Variants in CDC14A observed in about 807,000 individuals in gnomAD.
The protein encoded by CDC14A is cell division cycle 14A.
Under a neutral mutation model 74.4 loss-of-function variants are expected in CDC14A, and 53 were observed. The ratio of observed to expected loss-of-function variants is 0.71; its 90% CI spans 0.57 to 0.89. CDC14A has a LOEUF of 0.89. Among genes scored for constraint, CDC14A ranks in the 40% least tolerant of loss-of-function variants. The probability of loss-of-function intolerance (pLI) is 0.00; values close to 1 mark genes in which losing one functional copy is unlikely to be tolerated. For synonymous variants in CDC14A, 247 were observed against 258.4 expected (o/e 0.96, Z 0.43); for missense variants, 646 against 713.7 (o/e 0.91, Z 1.08).
At chr1:100,487,696 G>A (rs72986252) in intron 11 of CDC14A, among the ~76,000 whole-genome samples, 8,230 of 152,250 alleles carry the variant, frequency 0.054, 745 homozygotes, top group African/African-American at 0.19. Context: ...TGGTTTTACT[G>A]AATGTTCTTT....
intron 3 of CDC14A, 130 bp downstream of exon 3, chr1:100,377,751 C>T (rs1361982519): frequency 4.8e-6 from 3 of 625,318 alleles, no homozygotes; most frequent in Non-Finnish European, 8.4e-6. Context: ...GTGAGTAGTT[C>T]ACCTAGAGTT....
intron 4 of CDC14A, among the ~76,000 whole-genome samples, chr1:100,415,380 A>G (rs1478784593): frequency 6.6e-6 from 1 of 152,198 alleles, no homozygotes; most frequent in Non-Finnish European, 1.5e-5. Flanking sequence ...CAAACAAAAA[A>G]CATACTCATT....
intron 15 of CDC14A, among the ~76,000 whole-genome samples, chr1:100,501,015 C>T (rs1234583302): frequency 1.3e-5 from 2 of 151,976 alleles, no homozygotes; most frequent in Non-Finnish European, 2.9e-5. Context: ...CCATGCTTGG[C>T]CTTGGCATTA....
Position 100,460,123 on chromosome 1 carries a change from A to C in CDC14A, c.608-2528A>C, listed in dbSNP as rs17122563. ...CAGAAATTGAGTAATTGTAGGTTTT[A>C]ATGAGATAATCCACATAAAGCACTT... On this transcript the variant is annotated intron_variant, in intron 8 of 15. Coordinates refer to ENST00000336454, the MANE Select transcript of CDC14A (RefSeq NM_003672.4). Among the ~76,000 whole-genome samples, 1,514 of 152,282 alleles carry C rather than the reference A, an allele frequency of 9.9e-3. 45 individuals carry two copies. The East Asian group carries it at 0.11, about 11-fold the overall frequency.
intron 7 of CDC14A, among the ~76,000 whole-genome samples, chr1:100,443,653 T>C (rs1665208830): frequency 6.6e-6 from 1 of 152,092 alleles, no homozygotes; most frequent in South Asian, 2.1e-4. Flanking sequence ...ATATTTTTGG[T>C]TGTATAAATT....
At position 100,402,902 on chromosome 1, in the gene CDC14A, A is replaced by C. The variant is rs142575610; in HGVS notation, c.309+12078A>C. Among the ~76,000 whole-genome samples, 3 of 152,348 alleles carry C rather than the reference A, an allele frequency of 2.0e-5. No homozygotes were observed. The East Asian group carries it at 5.8e-4, about 29-fold the overall frequency. ...AGCAGTGTTGTAGTGTTTCAAATACACTAGTCATACAGTTTCTTTTCCAGG... is the reference window on the plus strand; with the variant it reads ...AGCAGTGTTGTAGTGTTTCAAATACCCTAGTCATACAGTTTCTTTTCCAGG... On this transcript the variant is annotated intron_variant, in intron 4 of 15. Transcript: ENST00000336454.
Position 100,496,031 on chromosome 1 carries a change from C to T in CDC14A, c.1280C>T (p.Ala427Val). Reference sequence around the variant, plus strand: ...GATGATACAAAAGGACATCCAAGAGCAGTGTCCCAGCCTTTCAGGTACTGC... The same window carrying T: ...GATGATACAAAAGGACATCCAAGAGTAGTGTCCCAGCCTTTCAGGTACTGC... ...RSDDTKGHPR[A>V]VSQPFRLSSS... Residue 427 changes from alanine to valine, a missense_variant, in exon 13 of 16, where the codon GCA becomes GTA. Coordinates refer to ENST00000336454, the MANE Select transcript of CDC14A (RefSeq NM_003672.4). 6.2e-7 allele frequency: 1 copy of T among 1,613,732 alleles called. No homozygotes were observed. Among genetic ancestry groups the T allele is most frequent in the Admixed American group, 1.7e-5 (1 of 60,022 alleles).
At chr1:100,413,192 G>A (rs543515453) in intron 4 of CDC14A, among the ~76,000 whole-genome samples, 33 of 152,176 alleles carry the variant, frequency 2.2e-4, no homozygotes, top group Non-Finnish European at 4.4e-4. Flanking sequence ...GCAAACACCT[G>A]ACTGATGGGC....
intron 10 of CDC14A, among the ~76,000 whole-genome samples, chr1:100,482,985 A>T (rs963316406): frequency 6.6e-6 from 1 of 152,034 alleles, no homozygotes; most frequent in South Asian, 2.1e-4. Context: ...TCTCTATCCA[A>T]TCTATCATTG....
intron 6 of CDC14A, 113 bp downstream of exon 6, chr1:100,440,111 T>C: frequency 1.3e-6 from 1 of 745,340 alleles, no homozygotes; most frequent in Non-Finnish European, 2.2e-6. Context: ...AGCCAGTAAG[T>C]AGAAGGCTTT....
At chr1:100,374,840 G>A (rs1557692278) in intron 2 of CDC14A, among the ~76,000 whole-genome samples, 1 of 152,132 alleles carries the variant, frequency 6.6e-6, no homozygotes, top group South Asian at 2.1e-4. Flanking sequence ...TTGTGGTCTA[G>A]ACTAAATTGA....
chr1:100,354,146 C>G (rs1472372435), intron 2 of CDC14A, among the ~76,000 whole-genome samples: 1 of 152,198 alleles, frequency 6.6e-6, no homozygotes, highest in Non-Finnish European at 1.5e-5. Flanking sequence ...GGGAGACACA[C>G]TGTCATTGCC....
At chr1:100,420,005 T>TATATATATACATATATATATAC (rs1662063046) in intron 4 of CDC14A, among the ~76,000 whole-genome samples, 22 of 110,980 alleles carry the variant, frequency 2.0e-4, no homozygotes, top group Admixed American at 1.2e-3. Context: ...TAAATATATA[T>TATATATATACATATATATATAC]ATATATACAT....
rs1322778276 is a variant in CDC14A, at chr1:100,356,593, C to T, written c.140+2741C>T. Among the ~76,000 whole-genome samples, 7 of 152,010 alleles carry T rather than the reference C, an allele frequency of 4.6e-5. No individual in the cohort carries two copies. The South Asian group carries it at 8.3e-4, about 18-fold the overall frequency. ...AGGGGGGACCAGGCATAGTGGCTCA[C>T]GCCTGTAATCACAGCACTTTGGGAG... On this transcript the variant is annotated intron_variant, in intron 2 of 15. Coordinates refer to ENST00000336454, the MANE Select transcript of CDC14A (RefSeq NM_003672.4).
intron 10 of CDC14A, among the ~76,000 whole-genome samples, chr1:100,468,389 T>A (rs1381956118): frequency 6.6e-6 from 1 of 152,120 alleles, no homozygotes. Flanking sequence ...TCTTATGACA[T>A]CCCACTTGGC....
chr1:100,382,211 C>CTTT (rs557184435), intron 3 of CDC14A, among the ~76,000 whole-genome samples: 106 of 105,068 alleles, frequency 1.0e-3, no homozygotes, highest in African/African-American at 2.1e-3. Flanking sequence ...TTCCTCTATT[C>CTTT]TTTTTTTTTT....
At chr1:100,347,208 T>A (rs1379854571) in intron 1 of CDC14A, among the ~76,000 whole-genome samples, 1 of 152,246 alleles carries the variant, frequency 6.6e-6, no homozygotes, top group Non-Finnish European at 1.5e-5. Flanking sequence ...AAATAATGAA[T>A]ACTGGTCTTA....
intron 7 of CDC14A, 77 bp downstream of exon 7, chr1:100,443,073 G>A: frequency 2.1e-6 from 2 of 940,844 alleles, no homozygotes; most frequent in African/African-American, 1.6e-5. Context: ...CTCATGTATT[G>A]CAAATCGAGT....
chr1:100,411,982 G>A (rs1417151816), intron 4 of CDC14A, among the ~76,000 whole-genome samples: 1 of 152,216 alleles, frequency 6.6e-6, no homozygotes, highest in Non-Finnish European at 1.5e-5. Flanking sequence ...AAAGGCTTTA[G>A]AGTGGGAATG....
Sources: allele counts gnomAD v4.1 joint callset (sites outside exome capture counted in the v4.1 genomes callset), GRCh38; gene constraint gnomAD v4.1.1; transcripts MANE v1.5; gene names NCBI Gene and HGNC (gene_info 2026-07-23, HGNC 2026-07-21).